The following KLF17 variants were observed in gnomAD, a reference collection of about 807,000 sequenced individuals.
KLF17 encodes Krueppel-like factor 17.
A neutral mutation model predicts 34.2 loss-of-function variants in KLF17; 31 were observed. The ratio of observed to expected loss-of-function variants is 0.91; its 90% CI spans 0.68 to 1.22. The LOEUF (loss-of-function observed/expected upper bound fraction) is 1.22. KLF17 is among the 50% of genes most tolerant of loss of function. KLF17 has a pLI of 0.00. For missense variants in KLF17, 478 were observed against 505.2 expected (o/e 0.95, Z 0.52); for synonymous variants, 179 against 186.7 (o/e 0.96, Z 0.34).
chr1:44,079,769 A>G, the KLF17 span, among the ~76,000 whole-genome samples: 1 of 151,926 alleles, frequency 6.6e-6, no homozygotes. Context: ...CAGATAGCCA[A>G]TTGTCTGAGT....
the KLF17 span, among the ~76,000 whole-genome samples, chr1:44,052,355 G>A: frequency 6.6e-6 from 1 of 152,244 alleles, no homozygotes; most frequent in Non-Finnish European, 1.5e-5. Context: ...GAAGGGGACT[G>A]GGAGTTCCCA....
chr1:44,119,029 G>A (rs1019093012), intron 1 of KLF17, 41 bp downstream of exon 1: 5 of 1,524,834 alleles, frequency 3.3e-6, no homozygotes, highest in Non-Finnish European at 3.6e-6. Context: ...GGCGGGCCCA[G>A]GCTAGGGGGC....
chr1:44,114,823 A>G (rs1240909818), upstream of KLF17: 2 of 152,240 alleles, frequency 1.3e-5, no homozygotes, highest in African/African-American at 2.4e-5. Flanking sequence ...TAAGTTCTAA[A>G]TAATTGCTGT....
the KLF17 span, among the ~76,000 whole-genome samples, chr1:44,085,451 G>A: frequency 2.6e-5 from 4 of 152,068 alleles, no homozygotes; most frequent in Non-Finnish European, 5.9e-5. Flanking sequence ...GGCTATCTGA[G>A]GAAAGAGCAT....
chr1:44,073,890 A>AGG, the KLF17 span, among the ~76,000 whole-genome samples: 1 of 152,080 alleles, frequency 6.6e-6, no homozygotes, highest in South Asian at 2.1e-4. Flanking sequence ...TCTCATTATA[A>AGG]TATAACAAAT....
chr1:44,065,482 T>A, the KLF17 span, among the ~76,000 whole-genome samples: 1 of 144,168 alleles, frequency 6.9e-6, no homozygotes, highest in Admixed American at 7.1e-5. Context: ...TGATGTAGGC[T>A]CATTGCAACC....
the KLF17 span, among the ~76,000 whole-genome samples, chr1:44,080,713 A>ATTTTTTTTTTTTTTTTTTTTTTT: frequency 1.1e-5 from 1 of 92,674 alleles, no homozygotes; most frequent in Non-Finnish European, 2.0e-5. Context: ...ATTATATTGA[A>ATTTTTTTTTTTTTTTTTTTTTTT]TTTTTTTTTT....
the KLF17 span, chr1:44,088,422 G>C: frequency 6.6e-6 from 1 of 152,288 alleles, no homozygotes; most frequent in African/African-American, 2.4e-5. Context: ...GCCTGCTTAG[G>C]CTATTTAGAT....
chr1:44,058,114 A>G, the KLF17 span, among the ~76,000 whole-genome samples: 68 of 152,328 alleles, frequency 4.5e-4, no homozygotes, highest in African/African-American at 1.6e-3. Flanking sequence ...TCCTACAGCT[A>G]AAGTGACCCA....
At chr1:44,066,953 A>G in the KLF17 span, among the ~76,000 whole-genome samples, 21 of 152,198 alleles carry the variant, frequency 1.4e-4, no homozygotes, top group Admixed American at 9.2e-4. Context: ...CAAGCAAAAC[A>G]AAACAATATT....
At chr1:44,102,559 TACACATACACACACACAC>T in the KLF17 span, among the ~76,000 whole-genome samples, 1,297 of 87,678 alleles carry the variant, frequency 0.015, 24 homozygotes, top group African/African-American at 0.038. Context: ...ATCACACACA[TACACATACACACACACAC>T]ACACACACAC....
intron 1 of KLF17, among the ~76,000 whole-genome samples, chr1:44,121,393 G>T (rs572007030): frequency 5.6e-4 from 85 of 152,192 alleles, no homozygotes; most frequent in Non-Finnish European, 1.2e-3. Flanking sequence ...GGGATTACAG[G>T]CATGAGCCGC....
chr1:44,123,217 C>T (rs989095019), intron 1 of KLF17, among the ~76,000 whole-genome samples: 2 of 151,988 alleles, frequency 1.3e-5, no homozygotes, highest in Non-Finnish European at 2.9e-5. Flanking sequence ...TGCCACTATA[C>T]CTGGCAATTT....
At chr1:44,100,034 G>A in the KLF17 span, among the ~76,000 whole-genome samples, 2 of 150,996 alleles carry the variant, frequency 1.3e-5, no homozygotes, top group Admixed American at 6.6e-5. Flanking sequence ...TCAGGAGTTC[G>A]AGACCAGCCT....
At chr1:44,103,336 CACCGG>C in the KLF17 span, 11 of 307,536 alleles carry the variant, frequency 3.6e-5, no homozygotes, top group Non-Finnish European at 6.0e-5. Flanking sequence ...AGGACTCGGA[CACCGG>C]ACTCGGACAC....
chr1:44,080,075 C>T, the KLF17 span, among the ~76,000 whole-genome samples: 41 of 151,790 alleles, frequency 2.7e-4, 1 homozygote, highest in African/African-American at 8.9e-4. Flanking sequence ...ATTACAGGTG[C>T]GTGCCACCAT....
chr1:44,118,131 A>G (rs2087900388), upstream of KLF17, among the ~76,000 whole-genome samples: 1 of 151,900 alleles, frequency 6.6e-6, no homozygotes. Flanking sequence ...TTCAGCTCAC[A>G]TTTCTGTTTT....
At chr1:44,093,045 ATAAAT>A in the KLF17 span, among the ~76,000 whole-genome samples, 323 of 136,204 alleles carry the variant, frequency 2.4e-3, 5 homozygotes, top group Admixed American at 0.023. Context: ...TCAAAGGAGA[ATAAAT>A]TCAAGTGGAA....
chr1:44,067,854 G>A, the KLF17 span, among the ~76,000 whole-genome samples: 3 of 151,894 alleles, frequency 2.0e-5, no homozygotes, highest in Admixed American at 2.0e-4. Flanking sequence ...GAATTAGGTG[G>A]GGGTGGGACA....
Sources: allele counts gnomAD v4.1 joint callset (sites outside exome capture counted in the v4.1 genomes callset), GRCh38; gene constraint gnomAD v4.1.1; transcripts MANE v1.5; gene names NCBI Gene and HGNC (gene_info 2026-07-23, HGNC 2026-07-21).